NSD2: variants seen among roughly 807,000 people sequenced by gnomAD.
The protein encoded by NSD2 is histone-lysine N-methyltransferase NSD2.
In NSD2, 12 loss-of-function variants were observed where a neutral mutation model predicts 139.0. That is an observed-to-expected ratio of 0.09 (90% confidence interval 0.06 to 0.14). The LOEUF is 0.14. Among genes scored for constraint, NSD2 ranks in the 10% least tolerant of loss-of-function variants. The probability of loss-of-function intolerance (pLI) is 1.00; values close to 1 mark genes in which losing one functional copy is unlikely to be tolerated. For synonymous variants in NSD2, 669 were observed against 648.7 expected, an observed-to-expected ratio of 1.03 and a Z score of -0.48; for missense variants, 1,155 against 1,745.0, an observed-to-expected ratio of 0.66 and a Z score of 6.02.
In NSD2 at chr4:1,980,559, TGA is replaced by T. The variant is rs1345292181; in HGVS notation, c.*1654_*1655del. ...GTAAAAACTGCAGTGTCTTTGGACC[TGA>T]GAGTGGCTACTCCGTGGTTTTGTGA... On this transcript the variant is annotated 3_prime_UTR_variant, in exon 22 of 22. Coordinates refer to ENST00000508803, the MANE Select transcript of NSD2 (RefSeq NM_001042424.3). The T allele has an allele frequency of 2.6e-5, 6 of 233,084 alleles. No individual in the cohort carries two copies. The highest frequency in any genetic ancestry group is 5.6e-5 in the Admixed American group (1 of 17,782). The allele number at this position is 233,084 out of a possible 1,614,324, so 14.4% of individuals were successfully genotyped here. A position where few individuals can be genotyped will look rare whatever the true frequency, so the allele number is the denominator to read the frequency against.
chr4:1,887,598 A>G (rs746948797), intron 1 of NSD2: 5 of 152,506 alleles, frequency 3.3e-5, no homozygotes, highest in Admixed American at 1.3e-4. Flanking sequence ...ACTTCAGGCT[A>G]CCAAAGTGCT....
chr4:1,898,986 G>A (rs1716803041), intron 1 of NSD2, among the ~76,000 whole-genome samples: 1 of 152,112 alleles, frequency 6.6e-6, no homozygotes, highest in South Asian at 2.1e-4. Flanking sequence ...TCAGGAGGTG[G>A]TTTTTTATGT....
chr4:1,883,668 G>GCTGATC (rs1347826567), intron 1 of NSD2, among the ~76,000 whole-genome samples: 1 of 150,356 alleles, frequency 6.7e-6, no homozygotes, highest in Non-Finnish European at 1.5e-5. Context: ...CCTCCGCTCT[G>GCTGATC]CTGATCCCAC....
At chr4:1,978,103 G>A (rs1365903733) in intron 21 of NSD2, among the ~76,000 whole-genome samples, 3 of 152,252 alleles carry the variant, frequency 2.0e-5, no homozygotes, top group African/African-American at 7.2e-5. Context: ...CTCCAGCCTG[G>A]GCGACAGAGC....
intron 1 of NSD2, among the ~76,000 whole-genome samples, chr4:1,872,637 C>CGAGAGAGAGAGAGCGAGA (rs1375337847): frequency 1.2e-5 from 1 of 81,746 alleles, no homozygotes; most frequent in Non-Finnish European, 2.5e-5. Context: ...AGAGAGAGAG[C>CGAGAGAGAGAGAGCGAGA]GCGCAGACCC....
rs1727793454 is a variant in NSD2, at chr4:1,981,831, GAGTGT to G, written c.*2926_*2930del. 2.5e-6 allele frequency: 1 copy of G among 398,210 alleles called. No homozygotes were observed. The highest frequency in any genetic ancestry group is 1.3e-4 in the South Asian group (1 of 7,862). The allele number at this position is 398,210 out of a possible 1,614,324, so 24.7% of individuals were successfully genotyped here. On this transcript the variant is annotated 3_prime_UTR_variant, in exon 22 of 22. Transcript: ENST00000508803. ...CAGTTGCCAAATATCTTGATCCTAT[GAGTGT>G]AGTTGATGACTGTTTGTTAGTCAGT...
chr4:1,945,230 TG>T, intron 9 of NSD2: 8 of 1,062,776 alleles, frequency 7.5e-6, no homozygotes, highest in Non-Finnish European at 9.1e-6. Context: ...CAAGACGGGG[TG>T]GGGTGGGGAG....
At chr4:1,871,939 G>C (rs1442561904) in intron 1 of NSD2, among the ~76,000 whole-genome samples, 2 of 148,172 alleles carry the variant, frequency 1.3e-5, no homozygotes, top group Non-Finnish European at 3.0e-5. Flanking sequence ...GCCCGGCCCG[G>C]CCGAGGCGGC....
chr4:1,871,900 G>C (rs1438059114), intron 1 of NSD2, among the ~76,000 whole-genome samples: 1 of 147,492 alleles, frequency 6.8e-6, no homozygotes, highest in Non-Finnish European at 1.5e-5. Context: ...GCCATGTTGG[G>C]CCCGGCCGGG....
At chr4:1,917,106 T>G in intron 4 of NSD2, 69 bp downstream of exon 4, 1 of 1,422,246 alleles carries the variant, frequency 7.0e-7, no homozygotes, top group Non-Finnish European at 9.4e-7. Flanking sequence ...TTAACTTATT[T>G]TTGTTTTGAA....
rs1723848633 is a variant in NSD2, at chr4:1,948,300, G to A, written c.1882-2772G>A. 3 of 1,065,636 alleles carry A rather than the reference G, an allele frequency of 2.8e-6. No homozygotes were observed. The African/African-American group carries it at 4.9e-5, about 17-fold the overall frequency. The allele number at this position is 1,065,636 out of a possible 1,614,324, so 66.0% of individuals were successfully genotyped here. On this transcript the variant is annotated intron_variant, in intron 9 of 21. Transcript: ENST00000508803. This position sits in a 1 kb window ranked among gnomAD's most constrained non-coding sequence, Gnocchi z 4.5. ...TTTCCTTTCCAAATGCATCTCGTTG[G>A]ATATGGAATAGATCGTAGATGTTGT...
At position 1,918,455 on chromosome 4, in the gene NSD2, TCAC is replaced by T. The variant is rs1560641513; in HGVS notation, c.1244_1246del (p.His415del). 6.2e-7 allele frequency: 1 copy of T among 1,613,604 alleles called. No individual in the cohort carries two copies. On this transcript the variant is annotated inframe_deletion, in exon 5 of 22. Coordinates refer to ENST00000508803, the MANE Select transcript of NSD2 (RefSeq NM_001042424.3). ...GTAGCTCTGCAGAGACCCTGGAGAG[TCAC>T]CCCGACATAGGGAAGAGTACTCCTC...
At chr4:1,933,721 T>C (rs1324295103) in intron 6 of NSD2, among the ~76,000 whole-genome samples, 2 of 152,124 alleles carry the variant, frequency 1.3e-5, no homozygotes, top group African/African-American at 4.8e-5. Context: ...AAGAGTCCAT[T>C]AATAAAAACC....
intron 3 of NSD2, among the ~76,000 whole-genome samples, chr4:1,910,680 G>C (rs1377335328): frequency 1.3e-5 from 2 of 152,106 alleles, no homozygotes; most frequent in Non-Finnish European, 1.5e-5. Flanking sequence ...TGGCTTTCTC[G>C]TGTCTTGTGC....
intron 17 of NSD2, among the ~76,000 whole-genome samples, chr4:1,960,187 C>T (rs1725230307): frequency 6.6e-6 from 1 of 152,176 alleles, no homozygotes; most frequent in African/African-American, 2.4e-5. Flanking sequence ...TGAATTATTA[C>T]AATTGAATAT....
chr4:1,872,984 C>A (rs1373621875), intron 1 of NSD2, among the ~76,000 whole-genome samples: 1 of 152,210 alleles, frequency 6.6e-6, no homozygotes, highest in African/African-American at 2.4e-5. Context: ...TGAGCACAGC[C>A]TTTCCTTGTG....
chr4:1,878,306 C>T (rs971674580), intron 1 of NSD2, among the ~76,000 whole-genome samples: 23 of 123,500 alleles, frequency 1.9e-4, no homozygotes, highest in Admixed American at 3.0e-4. Context: ...AGAGACTAGG[C>T]CATGTTGGCC....
intron 3 of NSD2, among the ~76,000 whole-genome samples, chr4:1,915,459 T>C (rs1719261304): frequency 6.6e-6 from 1 of 152,116 alleles, no homozygotes; most frequent in African/African-American, 2.4e-5. Context: ...AAATATCTCT[T>C]TGTTTTTCTG....
intron 12 of NSD2, chr4:1,954,482 C>G (rs984939452): frequency 6.6e-6 from 1 of 152,182 alleles, no homozygotes; most frequent in African/African-American, 2.4e-5. Flanking sequence ...CCCACCTAAG[C>G]CTCTCAAGTA....
Sources: gnomAD v4.1 joint callset for allele counts (sites outside exome capture counted in the v4.1 genomes callset) on GRCh38, gnomAD v4.1.1 for gene constraint, Gnocchi (gnomAD v3.1) non-coding constraint, MANE v1.5 for transcripts, NCBI Gene and HGNC (gene_info 2026-07-23, HGNC 2026-07-21) for gene names.